Variants in ANKRD13C observed in about 807,000 individuals in gnomAD.
ANKRD13C encodes the protein ankyrin repeat domain 13C.
A neutral mutation model predicts 65.5 loss-of-function variants in ANKRD13C; 16 were observed. That is an observed-to-expected ratio of 0.24 (90% CI 0.17 to 0.37). The LOEUF (loss-of-function observed/expected upper bound fraction) is 0.37. ANKRD13C is among the 10% of genes least tolerant of loss of function. The pLI is 1.00. For missense variants in ANKRD13C, 503 were observed against 655.9 expected (o/e 0.77, Z 2.55); for synonymous variants, 235 against 238.7 (o/e 0.98, Z 0.14).
intron 8 of ANKRD13C, among the ~76,000 whole-genome samples, chr1:70,293,136 C>T (rs1265807673): frequency 6.6e-6 from 1 of 152,040 alleles, no homozygotes; most frequent in East Asian, 1.9e-4. Flanking sequence ...CTCACCAATA[C>T]AATTAAAGTG....
At position 70,259,473 on chromosome 1, in the gene ANKRD13C, G is replaced by C. The variant is rs1322125748; in HGVS notation, c.*3244C>G. Among the ~76,000 whole-genome samples the C allele has an allele frequency of 6.6e-6, 1 of 152,128 alleles. No individual in the cohort carries two copies. The highest frequency in any genetic ancestry group is 1.5e-5 in the Non-Finnish European group (1 of 68,016). ...TAAAATGAACTGTAACAATTAAAAA[G>C]CTCATCACAAGGTAAGCTCACTCTG... is the stretch of plus-strand genomic sequence containing the variant. On this transcript the variant is annotated 3_prime_UTR_variant, in exon 13 of 13. Transcript: ENST00000370944.
At chr1:70,351,033 C>T (rs908173686) in intron 1 of ANKRD13C, among the ~76,000 whole-genome samples, 29 of 152,134 alleles carry the variant, frequency 1.9e-4, no homozygotes, top group Admixed American at 4.6e-4. Flanking sequence ...TGGTGGCACA[C>T]GCCTGTGGTC....
At chr1:70,281,174 G>A (rs373079754) in intron 9 of ANKRD13C, among the ~76,000 whole-genome samples, 2 of 151,894 alleles carry the variant, frequency 1.3e-5, no homozygotes, top group South Asian at 2.1e-4. Flanking sequence ...GTGATATGAC[G>A]GAAGAATAGA....
At chr1:70,335,674 C>T (rs927204906) in intron 2 of ANKRD13C, among the ~76,000 whole-genome samples, 18 of 149,598 alleles carry the variant, frequency 1.2e-4, no homozygotes, top group African/African-American at 4.4e-4. Flanking sequence ...CTACCAAAGG[C>T]TCAACTTATG....
At chr1:70,279,838 G>A (rs1332577486) in intron 9 of ANKRD13C, among the ~76,000 whole-genome samples, 1 of 152,124 alleles carries the variant, frequency 6.6e-6, no homozygotes, top group African/African-American at 2.4e-5. Flanking sequence ...CTTGTGTGGT[G>A]TGCGGCACGC....
At chr1:70,271,503 C>T (rs577290938) in intron 11 of ANKRD13C, among the ~76,000 whole-genome samples, 1 of 152,106 alleles carries the variant, frequency 6.6e-6, no homozygotes, top group African/African-American at 2.4e-5. Flanking sequence ...AAAAGTCCTA[C>T]GACTGCTACG....
chr1:70,333,902 T>C (rs924801754), intron 2 of ANKRD13C, among the ~76,000 whole-genome samples: 2 of 152,192 alleles, frequency 1.3e-5, no homozygotes, highest in Non-Finnish European at 2.9e-5. Context: ...TTCTCTAACA[T>C]GTAGCCTTTT....
intron 2 of ANKRD13C, among the ~76,000 whole-genome samples, chr1:70,327,631 AT>A (rs1031490648): frequency 6.6e-6 from 1 of 152,242 alleles, no homozygotes; most frequent in Non-Finnish European, 1.5e-5. Flanking sequence ...TTTTAACAAT[AT>A]CATTAATTTT....
At position 70,265,283 on chromosome 1, in the gene ANKRD13C, AAGAG is replaced by A. The variant is rs149614804; in HGVS notation, c.1496-2440_1496-2437del. Among the ~76,000 whole-genome samples the A allele has an allele frequency of 3.6e-3, 545 of 152,286 alleles. 5 individuals are homozygous for A. The highest frequency in any genetic ancestry group is 0.013 in the African/African-American group (523 of 41,576). On this transcript the variant is annotated intron_variant, in intron 12 of 12. Transcript: ENST00000370944. ...CAGCCAGAGAGGGAGGAAGAAAACC[AAGAG>A]AGAGTCTATCAAAGAAGTCAGAGGA...
At chr1:70,270,784 G>A (rs1678845942) in intron 12 of ANKRD13C, 72 bp downstream of exon 12, 1 of 1,064,328 alleles carries the variant, frequency 9.4e-7, no homozygotes, top group Non-Finnish European at 1.4e-6. Flanking sequence ...AAAAGAAATT[G>A]CTTATTAAAT....
chr1:70,324,699 T>C (rs1681457149), intron 3 of ANKRD13C, among the ~76,000 whole-genome samples, 154 bp downstream of exon 3: 1 of 152,254 alleles, frequency 6.6e-6, no homozygotes, highest in African/African-American at 2.4e-5. Flanking sequence ...CCACTCAATG[T>C]TCAAGTTCCT....
chr1:70,300,145 A>T (rs954513443), intron 7 of ANKRD13C, among the ~76,000 whole-genome samples: 1 of 152,238 alleles, frequency 6.6e-6, no homozygotes, highest in Non-Finnish European at 1.5e-5. Context: ...AAGATAATAC[A>T]TGGTAAAGGT....
At chr1:70,329,497 G>A (rs1020744173) in intron 2 of ANKRD13C, among the ~76,000 whole-genome samples, 2 of 151,228 alleles carry the variant, frequency 1.3e-5, no homozygotes, top group African/African-American at 4.9e-5. Context: ...CTCCAGCCTG[G>A]GCAACAAAGT....
intron 1 of ANKRD13C, among the ~76,000 whole-genome samples, chr1:70,345,347 T>C (rs895915901): frequency 2.6e-5 from 4 of 151,824 alleles, no homozygotes; most frequent in African/African-American, 9.7e-5. Context: ...GAGAATCGCT[T>C]GAACCCAGGA....
intron 1 of ANKRD13C, among the ~76,000 whole-genome samples, chr1:70,346,640 T>A (rs1444601734): frequency 6.6e-6 from 1 of 152,176 alleles, no homozygotes; most frequent in Non-Finnish European, 1.5e-5. Flanking sequence ...AAAATGCTAA[T>A]ATACTACTAA....
At chr1:70,293,420 C>A (rs1396852822) in intron 8 of ANKRD13C, 1 of 272,812 alleles carries the variant, frequency 3.7e-6, no homozygotes, top group East Asian at 1.8e-4. Flanking sequence ...GTGTTCCAGT[C>A]CACCTTGCAA....
At chr1:70,315,407 T>C (rs1465634459) in intron 4 of ANKRD13C, 74 bp downstream of exon 4, 6 of 1,301,204 alleles carry the variant, frequency 4.6e-6, no homozygotes, top group East Asian at 2.4e-5. Context: ...TTAAGTTGTA[T>C]TAAGAAAAAA....
rs1339593076 is a variant in ANKRD13C, at chr1:70,262,114, C to A, written c.*603G>T. 1 of 152,512 alleles carries A rather than the reference C, an allele frequency of 6.6e-6. No homozygotes were observed. Among genetic ancestry groups the A allele is most frequent in the East Asian group, 1.9e-4 (1 of 5,192 alleles). The allele number at this position is 152,512 out of a possible 1,614,324, so 9.4% of individuals were successfully genotyped here. A position where few individuals can be genotyped will look rare whatever the true frequency, so the allele number is the denominator to read the frequency against. ...TGAAATGTATTGCAACATATAAATG[C>A]AATTGTTTAATGGTTACCATTTGGT... On this transcript the variant is annotated 3_prime_UTR_variant, in exon 13 of 13. Coordinates refer to ENST00000370944, the MANE Select transcript of ANKRD13C (RefSeq NM_030816.5).
At chr1:70,339,083 A>AC (rs1403047374) in intron 1 of ANKRD13C, among the ~76,000 whole-genome samples, 1 of 151,842 alleles carries the variant, frequency 6.6e-6, no homozygotes, top group East Asian at 2.0e-4. Flanking sequence ...GTGGTAGCGC[A>AC]CCCTGTAATC....
Sources: gnomAD v4.1 joint callset for allele counts (sites outside exome capture counted in the v4.1 genomes callset) on GRCh38, gnomAD v4.1.1 for gene constraint, MANE v1.5 for transcripts, NCBI Gene and HGNC (gene_info 2026-07-23, HGNC 2026-07-21) for gene names.